GALNT16: variants seen among roughly 807,000 people sequenced by gnomAD.
The protein encoded by GALNT16 is polypeptide N-acetylgalactosaminyltransferase 16, also known as UDP-GalNAc:polypeptide N-acetylgalactosaminyltransferase-like protein 1.
Under a neutral mutation model 76.1 loss-of-function variants are expected in GALNT16, and 40 were observed. The ratio of observed to expected loss-of-function variants is 0.53; its 90% CI spans 0.41 to 0.68. The LOEUF is 0.68. Among genes scored for constraint, GALNT16 ranks in the 30% least tolerant of loss-of-function variants. The pLI is 0.00. For missense variants in GALNT16, 621 were observed against 731.9 expected, an observed-to-expected ratio of 0.85 and a Z score of 1.75; for synonymous variants, 276 against 285.2, an observed-to-expected ratio of 0.97 and a Z score of 0.32.
chr14:69,271,327 G>A (rs145453641), intron 1 of GALNT16, among the ~76,000 whole-genome samples: 1 of 152,344 alleles, frequency 6.6e-6, no homozygotes, highest in Non-Finnish European at 1.5e-5. Context: ...TATGGAACTT[G>A]GGAGATCAGA....
Position 69,270,042 on chromosome 14 carries a change from G to C in GALNT16, c.177+9575G>C, listed in dbSNP as rs1051653170. 6.6e-5 allele frequency among the ~76,000 whole-genome samples: 10 copies of C among 152,108 alleles called. No individual in the cohort carries two copies. The South Asian group carries it at 1.9e-3, about 28-fold the overall frequency. On this transcript the variant is annotated intron_variant, in intron 1 of 14. Transcript: ENST00000448469. ...AAGCCCGCCTTTGTCTCCTTGTCTGGTTCGTGGTGTTCTCTTCTGGTACAG... is the reference window on the plus strand; with the variant it reads ...AAGCCCGCCTTTGTCTCCTTGTCTGCTTCGTGGTGTTCTCTTCTGGTACAG...
rs111362412 is a variant in GALNT16, at chr14:69,268,911, G to C, written c.177+8444G>C. On this transcript the variant is annotated intron_variant, in intron 1 of 14. Coordinates refer to ENST00000448469, the MANE Select transcript of GALNT16 (RefSeq NM_001168368.2). ...TCCCGGAGAGTGTGTGCTTAGAGGGGCAGCTGGAGCAGCAGGAAAAGTGCC... is the reference window on the plus strand; with the variant it reads ...TCCCGGAGAGTGTGTGCTTAGAGGGCCAGCTGGAGCAGCAGGAAAAGTGCC... 6.4e-3 allele frequency among the ~76,000 whole-genome samples: 968 copies of C among 152,284 alleles called. 12 individuals carry two copies. The highest frequency in any genetic ancestry group is 0.022 in the African/African-American group (926 of 41,550).
At chr14:69,277,571 G>T (rs1190724804) in intron 1 of GALNT16, among the ~76,000 whole-genome samples, 2 of 152,214 alleles carry the variant, frequency 1.3e-5, no homozygotes, top group Non-Finnish European at 2.9e-5. Flanking sequence ...TTTTATGGCT[G>T]CATAGTATTC....
At position 69,310,262 on chromosome 14, in the gene GALNT16, T is replaced by C. The variant is rs139124739; in HGVS notation, c.178-10449T>C. Among the ~76,000 whole-genome samples, 157 of 151,658 alleles carry C rather than the reference T, an allele frequency of 1.0e-3. 4 individuals carry two copies. In the East Asian group the frequency reaches 0.029, roughly 28 times the overall value. On this transcript the variant is annotated intron_variant, in intron 1 of 14. Transcript: ENST00000448469. The stretch of plus-strand genomic sequence containing the variant: ...TATATGAATAGCATCTGTAGTCTTA[T>C]GGTATATCTTAAAACCTGGTAGGTA...
intron 9 of GALNT16, among the ~76,000 whole-genome samples, chr14:69,337,997 G>A (rs934103796): frequency 2.0e-5 from 3 of 152,232 alleles, no homozygotes; most frequent in African/African-American, 7.2e-5. Flanking sequence ...ACTGGTGAGC[G>A]GAGATCAGAG....
intron 1 of GALNT16, among the ~76,000 whole-genome samples, chr14:69,319,337 C>T (rs774649793): frequency 4.6e-5 from 7 of 152,238 alleles, no homozygotes; most frequent in Non-Finnish European, 8.8e-5. Flanking sequence ...TGGTGACAGT[C>T]CCAGTGTCAT....
intron 2 of GALNT16, among the ~76,000 whole-genome samples, chr14:69,322,981 T>A: frequency 3.5e-5 from 1 of 28,348 alleles, no homozygotes; most frequent in Non-Finnish European, 5.8e-5. Context: ...TGTGTGTGTG[T>A]GCGCGCGCAC....
chr14:69,294,562 T>G (rs2044729034), intron 1 of GALNT16, among the ~76,000 whole-genome samples: 1 of 152,228 alleles, frequency 6.6e-6, no homozygotes, highest in Non-Finnish European at 1.5e-5. Context: ...GGAACGTTTC[T>G]GTTATCCCAA....
At chr14:69,262,787 T>C (rs2044293488) in intron 1 of GALNT16, among the ~76,000 whole-genome samples, 1 of 152,210 alleles carries the variant, frequency 6.6e-6, no homozygotes. Flanking sequence ...ATTTCTTCCA[T>C]GTGATTTGCA....
chr14:69,325,551 T>C (rs1194849155), intron 4 of GALNT16, 147 bp downstream of exon 4: 7 of 662,056 alleles, frequency 1.1e-5, no homozygotes, highest in Admixed American at 2.1e-5. Context: ...CTAGGACCCC[T>C]CCCTGGTCCT....
intron 9 of GALNT16, among the ~76,000 whole-genome samples, chr14:69,338,024 C>A (rs2045434987): frequency 6.6e-6 from 1 of 152,218 alleles, no homozygotes; most frequent in Non-Finnish European, 1.5e-5. Context: ...CTTTTGAGGT[C>A]CCCTTCTGGG....
the GALNT16 span, among the ~76,000 whole-genome samples, chr14:69,383,287 T>A: frequency 2.6e-5 from 4 of 152,260 alleles, no homozygotes; most frequent in Admixed American, 6.5e-5. Context: ...TGTTACAAAG[T>A]AGAATCTTAT....
At chr14:69,282,135 A>C (rs916335354) in intron 1 of GALNT16, among the ~76,000 whole-genome samples, 6 of 152,188 alleles carry the variant, frequency 3.9e-5, no homozygotes, top group Non-Finnish European at 5.9e-5. Context: ...GTGAGGTTTC[A>C]TCGCTTTCAG....
intron 12 of GALNT16, 148 bp downstream of exon 12, chr14:69,341,912 G>A (rs1282656736): frequency 1.6e-6 from 1 of 634,858 alleles, no homozygotes; most frequent in Non-Finnish European, 2.9e-6. Context: ...TGACGGCTGT[G>A]GGGGAACTGA....
chr14:69,330,102 G>A (rs1428020278), intron 6 of GALNT16, among the ~76,000 whole-genome samples: 1 of 152,148 alleles, frequency 6.6e-6, no homozygotes, highest in African/African-American at 2.4e-5. Flanking sequence ...AGACCCGAGA[G>A]AAATGAAAAC....
At chr14:69,270,023 G>A (rs932740964) in intron 1 of GALNT16, among the ~76,000 whole-genome samples, 1 of 152,004 alleles carries the variant, frequency 6.6e-6, no homozygotes, top group Admixed American at 6.6e-5. Flanking sequence ...GATCAAGCCC[G>A]CCTTTGTCTC....
intron 1 of GALNT16, among the ~76,000 whole-genome samples, chr14:69,262,485 C>A (rs2044289214): frequency 6.6e-6 from 1 of 152,168 alleles, no homozygotes; most frequent in African/African-American, 2.4e-5. Context: ...TGCTTATTCC[C>A]ACAGGGTTTG....
At chr14:69,324,871 T>C in intron 3 of GALNT16, 81 bp downstream of exon 3, 2 of 875,984 alleles carry the variant, frequency 2.3e-6, no homozygotes, top group Non-Finnish European at 1.7e-6. Flanking sequence ...CCAGACAGCT[T>C]GAAGCCCAGC....
At chr14:69,298,514 C>T (rs1210090331) in intron 1 of GALNT16, 2 of 152,520 alleles carry the variant, frequency 1.3e-5, no homozygotes, top group African/African-American at 4.8e-5. Context: ...CTCCCGTTCC[C>T]TGTCGCCACT....
Sources: gnomAD v4.1 joint callset for allele counts (sites outside exome capture counted in the v4.1 genomes callset) on GRCh38, gnomAD v4.1.1 for gene constraint, MANE v1.5 for transcripts, NCBI Gene and HGNC (gene_info 2026-07-23, HGNC 2026-07-21) for gene names.